HTR4: variants seen among roughly 807,000 people sequenced by gnomAD.
HTR4 encodes 5-hydroxytryptamine (serotonin) receptor 4, G protein-coupled.
In HTR4, 16 loss-of-function variants were observed where a neutral mutation model predicts 36.8. The observed-to-expected ratio is 0.43, with a 90% CI of 0.29 to 0.66. HTR4 has a LOEUF of 0.66. HTR4 is among the 30% of genes least tolerant of loss of function. The pLI is 0.13. For synonymous variants in HTR4, 189 were observed against 185.1 expected (o/e 1.02, Z -0.17); for missense variants, 438 against 490.9 (o/e 0.89, Z 1.02).
intron 2 of HTR4, among the ~76,000 whole-genome samples, chr5:148,566,956 A>T (rs1760468113): frequency 6.6e-6 from 1 of 152,056 alleles, no homozygotes; most frequent in African/African-American, 2.4e-5. Flanking sequence ...TAATCCACAA[A>T]AAATTGTGTT....
intron 2 of HTR4, among the ~76,000 whole-genome samples, chr5:148,587,490 G>A (rs1424739674): frequency 6.6e-6 from 1 of 152,284 alleles, no homozygotes; most frequent in East Asian, 1.9e-4. Flanking sequence ...GGGATGGCTG[G>A]TGGTGGAATT....
chr5:148,571,583 G>C (rs1760679616), intron 2 of HTR4, among the ~76,000 whole-genome samples: 1 of 152,022 alleles, frequency 6.6e-6, no homozygotes, highest in Non-Finnish European at 1.5e-5. Flanking sequence ...TTTTTAAAAA[G>C]AGAGTAGCAG....
intron 4 of HTR4, among the ~76,000 whole-genome samples, chr5:148,542,075 C>G (rs1759143598): frequency 6.6e-6 from 1 of 152,090 alleles, no homozygotes; most frequent in African/African-American, 2.4e-5. Flanking sequence ...TTTTTCTGAT[C>G]ATTCACCACT....
intron 2 of HTR4, among the ~76,000 whole-genome samples, chr5:148,568,341 C>A (rs552981061): frequency 1.3e-5 from 2 of 152,044 alleles, no homozygotes; most frequent in African/African-American, 2.4e-5. Context: ...TACCTTATCC[C>A]TTTAGAGAAT....
chr5:148,462,570 G>A (rs866051813), intron 5 of HTR4, among the ~76,000 whole-genome samples: 1 of 152,078 alleles, frequency 6.6e-6, no homozygotes, highest in South Asian at 2.1e-4. Flanking sequence ...GGGTTCACTG[G>A]TGAATTCTGC....
At chr5:148,548,523 G>C (rs1759499439) in intron 4 of HTR4, 145 bp downstream of exon 4, 4 of 731,908 alleles carry the variant, frequency 5.5e-6, no homozygotes, top group Non-Finnish European at 6.8e-6. Flanking sequence ...GCAAAGGCTG[G>C]AGAATGACTG....
intron 4 of HTR4, among the ~76,000 whole-genome samples, chr5:148,527,991 A>C (rs572126460): frequency 7.2e-4 from 110 of 152,240 alleles, no homozygotes; most frequent in African/African-American, 2.6e-3. Context: ...AATAAGCCCA[A>C]CTCGAAGGGT....
intron 2 of HTR4, among the ~76,000 whole-genome samples, chr5:148,604,538 G>T (rs1581533547): frequency 6.6e-6 from 1 of 152,032 alleles, no homozygotes; most frequent in East Asian, 1.9e-4. Context: ...ACATATGCAA[G>T]AAAAATAAAA....
chr5:148,569,599 TTTA>T (rs1366674683), intron 2 of HTR4, among the ~76,000 whole-genome samples: 2 of 151,590 alleles, frequency 1.3e-5, no homozygotes, highest in Non-Finnish European at 2.9e-5. Flanking sequence ...ATTTATCTTA[TTTA>T]TTATTTTATT....
chr5:148,636,899 C>T, intron 2 of HTR4, 90 bp downstream of exon 2: 1 of 811,744 alleles, frequency 1.2e-6, no homozygotes, highest in South Asian at 1.7e-5. Context: ...CATCCATTAA[C>T]TTTATAACTC....
rs770859818 is a variant in HTR4 at position 148,510,017 on chromosome 5, T to C, written c.515A>G (p.Lys172Arg). The change falls in exon 6 of 7, where the codon AAG (lysine) becomes AGG (arginine). Residue 172 changes from lysine to arginine, a missense_variant. Transcript: ENST00000377888. The part of the protein sequence containing the change: ...NNIGIIDLIE[K>R]RKFNQNSNST... ...GTTAGAGTTCTGGTTGAACTTCCTC[T>C]TTTCTATCTGAGAGTTGGAGGGAGA... 6.2e-7 allele frequency: 1 copy of C among 1,607,716 alleles called. No homozygotes were observed. The highest frequency in any genetic ancestry group is 8.5e-7 in the Non-Finnish European group (1 of 1,175,882).
At chr5:148,504,992 G>T (rs1010354532) in intron 6 of HTR4, among the ~76,000 whole-genome samples, 6 of 152,154 alleles carry the variant, frequency 3.9e-5, no homozygotes, top group Non-Finnish European at 8.8e-5. Flanking sequence ...TGAAATTGAG[G>T]CAGTAATTAA....
chr5:148,476,703 A>AG (rs1561566748), downstream of HTR4: 2 of 1,610,782 alleles, frequency 1.2e-6, no homozygotes, highest in South Asian at 1.1e-5. Flanking sequence ...AGAAAAAAAA[A>AG]TGAGCAATAA....
At chr5:148,521,094 C>A (rs565893609) in intron 5 of HTR4, 2 of 1,186,078 alleles carry the variant, frequency 1.7e-6, no homozygotes, top group Admixed American at 2.5e-5. Flanking sequence ...TCGATGTATC[C>A]GGGGACCACT....
chr5:148,524,076 G>A (rs1191678027), intron 4 of HTR4, among the ~76,000 whole-genome samples: 2 of 151,870 alleles, frequency 1.3e-5, no homozygotes, highest in African/African-American at 2.4e-5. Flanking sequence ...ACCTGAGGAA[G>A]CCTTTTTAAA....
At chr5:148,477,917 C>A (rs1215835293), downstream of HTR4, among the ~76,000 whole-genome samples, 1 of 152,204 alleles carries the variant, frequency 6.6e-6, no homozygotes, top group Non-Finnish European at 1.5e-5. Flanking sequence ...TCACAGAGCT[C>A]ACCTCCTCCA....
chr5:148,640,469 C>G (rs1753696412), intron 1 of HTR4, among the ~76,000 whole-genome samples: 1 of 152,154 alleles, frequency 6.6e-6, no homozygotes, highest in Non-Finnish European at 1.5e-5. Flanking sequence ...TGTTGTCAGA[C>G]AGTTTGAAGC....
At chr5:148,561,299 G>A (rs1760194535) in intron 2 of HTR4, among the ~76,000 whole-genome samples, 2 of 152,140 alleles carry the variant, frequency 1.3e-5, no homozygotes, top group Admixed American at 6.6e-5. Flanking sequence ...GGAATACAAA[G>A]GATTTCAGGA....
intron 6 of HTR4, among the ~76,000 whole-genome samples, chr5:148,495,893 G>C (rs768322050): frequency 9.2e-5 from 14 of 152,178 alleles, no homozygotes; most frequent in Admixed American, 2.6e-4. Flanking sequence ...ACGAGGTCAG[G>C]AGTTCGAGAC....
Sources: allele counts gnomAD v4.1 joint callset (sites outside exome capture counted in the v4.1 genomes callset), GRCh38; gene constraint gnomAD v4.1.1; transcripts MANE v1.5; gene names NCBI Gene and HGNC (gene_info 2026-07-23, HGNC 2026-07-21).